Variants in ECI2 observed in about 807,000 individuals in gnomAD.
The protein encoded by ECI2 is D3,D2-enoyl-CoA isomerase.
ECI2 carries 27 observed loss-of-function variants against 38.4 expected under a neutral mutation model. That is an observed-to-expected ratio of 0.70 (90% confidence interval 0.52 to 0.97). The LOEUF (loss-of-function observed/expected upper bound fraction) is 0.97. Ranked by LOEUF, ECI2 falls within the 50% of genes least tolerant of loss-of-function variation. The probability of loss-of-function intolerance (pLI) is 0.00; values close to 1 mark genes in which losing one functional copy is unlikely to be tolerated. For missense variants in ECI2, 470 were observed against 474.4 expected (o/e 0.99, Z 0.09); for synonymous variants, 168 against 172.0 (o/e 0.98, Z 0.18).
At chr6:4,130,904 G>C in intron 2 of ECI2, 39 bp from the exon 3 acceptor site, 2 of 1,583,814 alleles carry the variant, frequency 1.3e-6, no homozygotes, top group Non-Finnish European at 1.7e-6. Flanking sequence ...AAATGTCCAT[G>C]TAAACTAGAC....
At position 4,130,439 on chromosome 6, in the gene ECI2, G is replaced by A. The variant is rs988460927; in HGVS notation, c.434C>T (p.Thr145Ile). Residue 145 changes from threonine (T) to isoleucine (I), a missense_variant, in exon 4 of 10, where the codon ACC becomes ATC. Physicochemically the swap from Thr to Ile is moderately conservative, Grantham distance 89. Transcript: ENST00000380118. ...GATCTTTGTGATGCCATCTTCGGAGGTCACCACCAGAGTTTCAAACCCAGT... is the reference window on the plus strand; with the variant it reads ...GATCTTTGTGATGCCATCTTCGGAGATCACCACCAGAGTTTCAAACCCAGT... Reference protein sequence around the residue: ...KSTGFETLVVTSEDGITKIMF... With the variant: ...KSTGFETLVVISEDGITKIMF... 1 of 1,614,158 alleles carries A rather than the reference G, an allele frequency of 6.2e-7. No homozygotes were observed.
intron 5 of ECI2, among the ~76,000 whole-genome samples, chr6:4,126,685 A>T (rs1773180630): frequency 6.6e-6 from 1 of 152,198 alleles, no homozygotes; most frequent in South Asian, 2.1e-4. Context: ...GACTCAGGGA[A>T]AGCCAGGGGG....
intron 7 of ECI2, among the ~76,000 whole-genome samples, chr6:4,124,195 C>T (rs1772995037): frequency 6.6e-6 from 1 of 152,126 alleles, no homozygotes; most frequent in African/African-American, 2.4e-5. Context: ...GAACAGAAAC[C>T]TCTACCTACA....
intron 6 of ECI2, chr6:4,125,907 T>G: frequency 1.5e-6 from 1 of 647,644 alleles, no homozygotes; most frequent in South Asian, 1.6e-5. Flanking sequence ...TTTTATGTTT[T>G]CCAGTCAAAT....
intron 7 of ECI2, among the ~76,000 whole-genome samples, 196 bp from the exon 8 acceptor site, chr6:4,119,471 C>G (rs1772534559): frequency 6.6e-6 from 1 of 152,274 alleles, no homozygotes; most frequent in Admixed American, 6.5e-5. Flanking sequence ...CAGGCATGCG[C>G]TGCCATGCCT....
intron 8 of ECI2, chr6:4,118,800 G>C (rs1220430274): frequency 6.1e-6 from 1 of 165,130 alleles, no homozygotes; most frequent in Non-Finnish European, 1.3e-5. Flanking sequence ...GGAGATACTG[G>C]TCATCCATAA....
intron 1 of ECI2, chr6:4,134,993 CCAGGGAG>C: frequency 2.6e-6 from 1 of 389,386 alleles, no homozygotes; most frequent in Non-Finnish European, 5.3e-6. Flanking sequence ...TCCCGGGACC[CCAGGGAG>C]GTGCAGCGTG....
chr6:4,133,011 G>A (rs924752221), intron 2 of ECI2, among the ~76,000 whole-genome samples: 6 of 152,118 alleles, frequency 3.9e-5, no homozygotes, highest in Middle Eastern at 3.2e-3. Flanking sequence ...GGATCTGCCC[G>A]CCTCAGCCTC....
At chr6:4,129,518 C>A (rs545553750) in intron 4 of ECI2, among the ~76,000 whole-genome samples, 1 of 152,098 alleles carries the variant, frequency 6.6e-6, no homozygotes, top group Non-Finnish European at 1.5e-5. Flanking sequence ...ACAGTAGGCT[C>A]CCTGTGAGAA....
At chr6:4,118,973 A>G (rs906908925) in intron 8 of ECI2, 2 of 428,354 alleles carry the variant, frequency 4.7e-6, no homozygotes, top group African/African-American at 2.0e-5. Flanking sequence ...AGTTCTGGGA[A>G]CTGCAGAGAG....
rs761795144 is a variant in ECI2 at position 4,135,515 on chromosome 6, G to A, written c.46C>T (p.Pro16Ser). 1.3e-6 allele frequency: 2 copies of A among 1,584,338 alleles called. No homozygotes were observed. The highest frequency in any genetic ancestry group is 3.4e-5 in the Admixed American group (2 of 58,930). Reference protein sequence around the residue: ...LAWRLARRSCPSSLQVTSFPV... With the variant: ...LAWRLARRSCSSSLQVTSFPV... The stretch of plus-strand genomic sequence containing the variant: ...CGGCCGGGACTCCAAGCTTACCTCG[G>A]ACACGAACGCCGCGCCAGTCTCCAA... The change falls in exon 1 of 10, where the codon CCG (proline) becomes TCG (serine). Residue 16 changes from proline to serine, a missense_variant. Pro to Ser is a moderately conservative substitution (Grantham distance 74, BLOSUM62 -1). Transcript: ENST00000380118.
intron 7 of ECI2, among the ~76,000 whole-genome samples, chr6:4,122,825 C>T (rs1016270282): frequency 2.6e-5 from 4 of 152,156 alleles, no homozygotes; most frequent in Admixed American, 2.6e-4. Flanking sequence ...CTACTCTGTA[C>T]ATTACGTGAA....
chr6:4,135,566 G>C lies in ECI2; in HGVS notation c.-6C>G, dbSNP rs752272915. 6.2e-6 allele frequency: 10 copies of C among 1,608,162 alleles called. No individual in the cohort carries two copies. Among genetic ancestry groups the C allele is most frequent in the African/African-American group, 2.7e-5 (2 of 73,676 alleles). On this transcript the variant is annotated 5_prime_UTR_variant, in exon 1 of 10. Coordinates refer to ENST00000380118, the MANE Select transcript of ECI2 (RefSeq NM_206836.3). ...GCCAAGTACGCCATCGCCATCCCTT[G>C]GGCGGCTCTAGGGCTGCGGGGGCTC...
intron 9 of ECI2, among the ~76,000 whole-genome samples, chr6:4,116,640 T>C (rs943876619): frequency 5.3e-5 from 8 of 151,996 alleles, no homozygotes; most frequent in African/African-American, 1.9e-4. Context: ...GATGTGGTTT[T>C]GCCATGTTGG....
At position 4,119,245 on chromosome 6, in the gene ECI2, C is replaced by T; in HGVS notation, c.826G>A (p.Gly276Ser). The change falls in exon 8 of 10, where the codon GGC becomes AGC. Residue 276 changes from glycine to serine, a missense_variant. By Grantham distance (56) the Gly-to-Ser change is moderately conservative. Coordinates refer to ENST00000380118, the MANE Select transcript of ECI2 (RefSeq NM_206836.3). ...GAGGAGCATCCTTCCGGACTTTGGC[C>T]TAGGTGACTAAATGGTGTATGAAAT... is the stretch of plus-strand genomic sequence containing the variant. ...ATFHTPFSHL[G>S]QSPEGCSSYT... 6.2e-7 allele frequency: 1 copy of T among 1,613,502 alleles called. No individual in the cohort carries two copies. The highest frequency in any genetic ancestry group is 8.5e-7 in the Non-Finnish European group (1 of 1,179,834).
At chr6:4,130,677 T>A in intron 3 of ECI2, 90 bp downstream of exon 3, 1 of 1,599,848 alleles carries the variant, frequency 6.3e-7, no homozygotes, top group Non-Finnish European at 8.6e-7. Flanking sequence ...CACATCAAGA[T>A]CTTGAAGACT....
chr6:4,135,359 T>C (rs1773675042), intron 1 of ECI2, 152 bp downstream of exon 1: 4 of 1,499,210 alleles, frequency 2.7e-6, no homozygotes. Flanking sequence ...GTCGTCACTT[T>C]TTAGCACTAC....
intron 1 of ECI2, 163 bp downstream of exon 1, chr6:4,135,348 G>C: frequency 2.7e-6 from 4 of 1,482,964 alleles, no homozygotes; most frequent in Non-Finnish European, 3.6e-6. Flanking sequence ...GCGCGCGTGA[G>C]GTCGTCACTT....
chr6:4,126,950 C>T (rs1278711219), intron 5 of ECI2, among the ~76,000 whole-genome samples: 1 of 152,152 alleles, frequency 6.6e-6, no homozygotes, highest in Non-Finnish European at 1.5e-5. Context: ...CAAAAGTTTC[C>T]CGTAGGCTCC....
Sources: allele counts gnomAD v4.1 joint callset (sites outside exome capture counted in the v4.1 genomes callset), GRCh38; gene constraint gnomAD v4.1.1; transcripts MANE v1.5; gene names NCBI Gene and HGNC (gene_info 2026-07-23, HGNC 2026-07-21).